Variants in SPP2 observed in about 807,000 individuals in gnomAD.
SPP2 encodes the protein secreted phosphoprotein 24.
In SPP2, 34 loss-of-function variants were observed where a neutral mutation model predicts 28.8. That is an observed-to-expected ratio of 1.18 (90% CI 0.90 to 1.57). The LOEUF is 1.57. SPP2 is among the 40% of genes most tolerant of loss of function. SPP2 has a pLI of 0.00. For missense variants in SPP2, 269 were observed against 263.9 expected (o/e 1.02, Z -0.13); for synonymous variants, 96 against 89.4 (o/e 1.07, Z -0.42).
At position 234,051,297 on chromosome 2, in the gene SPP2, G is replaced by C. The variant is rs563320814; in HGVS notation, c.210+202G>C. ...TGAGGCTATCCAAACCACTTTTGAT[G>C]ACTGATTCTTCTGCTGTATTCTCCT... On this transcript the variant is annotated intron_variant, in intron 2 of 7. Coordinates refer to ENST00000168148, the MANE Select transcript of SPP2 (RefSeq NM_006944.3). 7.9e-5 allele frequency among the ~76,000 whole-genome samples: 12 copies of C among 152,244 alleles called. No individual in the cohort carries two copies. In the South Asian group the frequency reaches 2.5e-3, roughly 32 times the overall value.
At chr2:234,051,309 T>C (rs1188437419) in intron 2 of SPP2, among the ~76,000 whole-genome samples, 1 of 152,238 alleles carries the variant, frequency 6.6e-6, no homozygotes, top group African/African-American at 2.4e-5. Context: ...CTGATTCTTC[T>C]GCTGTATTCT....
chr2:234,055,609 T>C (rs979581617), intron 2 of SPP2, among the ~76,000 whole-genome samples: 1 of 152,104 alleles, frequency 6.6e-6, no homozygotes, highest in African/African-American at 2.4e-5. Context: ...AAAACCAAAA[T>C]GTAATCATTA....
chr2:234,067,734 G>A (rs556749174), intron 6 of SPP2, among the ~76,000 whole-genome samples: 186 of 129,598 alleles, frequency 1.4e-3, no homozygotes, highest in South Asian at 7.0e-3. Flanking sequence ...CCGAGATTGC[G>A]CCACTGCACT....
In SPP2 at chr2:234,066,552, TG is replaced by T; in HGVS notation, c.467del (p.Gly156AspfsTer19). ...CTTTAGATGATTTTTGGGGACATGTTGGGATCTCATAAATGGAGAAACAATT... is the reference window on the plus strand; with the variant it reads ...CTTTAGATGATTTTTGGGGACATGTTGGATCTCATAAATGGAGAAACAATT... ...SSEEMIFGDM[L>X]GSHKWRNNYL... On this transcript the variant is annotated frameshift_variant, in exon 5 of 8. Coordinates refer to ENST00000168148, the MANE Select transcript of SPP2 (RefSeq NM_006944.3). LOFTEE classifies it high-confidence loss of function. 1.2e-6 allele frequency: 2 copies of T among 1,612,592 alleles called. No individual in the cohort carries two copies. The highest frequency in any genetic ancestry group is 2.2e-5 in the East Asian group (1 of 44,772).
intron 7 of SPP2, among the ~76,000 whole-genome samples, chr2:234,074,540 T>C (rs543646682): frequency 6.6e-5 from 10 of 152,282 alleles, no homozygotes; most frequent in African/African-American, 2.2e-4. Flanking sequence ...GACATGGCTA[T>C]GTGCAGTTGT....
At chr2:234,060,758 CACAT>C (rs946981803) in intron 4 of SPP2, among the ~76,000 whole-genome samples, 8 of 147,288 alleles carry the variant, frequency 5.4e-5, no homozygotes, top group Admixed American at 2.0e-4. Context: ...CACACACACA[CACAT>C]GCACACACGC....
chr2:234,060,556 G>T (rs1693698883), intron 4 of SPP2, 77 bp downstream of exon 4: 4 of 1,150,826 alleles, frequency 3.5e-6, no homozygotes, highest in South Asian at 1.4e-5. Context: ...AGAGTGGTTT[G>T]CTGGGTAGCT....
intron 2 of SPP2, among the ~76,000 whole-genome samples, chr2:234,055,056 C>A (rs925663112): frequency 6.6e-6 from 1 of 152,082 alleles, no homozygotes; most frequent in Non-Finnish European, 1.5e-5. Context: ...CCTAAGTGAC[C>A]ATTGATGCCC....
chr2:234,075,851 C>G (rs1365411774), intron 7 of SPP2, among the ~76,000 whole-genome samples: 1 of 152,182 alleles, frequency 6.6e-6, no homozygotes, highest in Non-Finnish European at 1.5e-5. Context: ...TCACTCTTCC[C>G]CCTGTCTCCA....
chr2:234,053,716 G>A (rs1019434440), intron 2 of SPP2, among the ~76,000 whole-genome samples: 2 of 152,038 alleles, frequency 1.3e-5, no homozygotes, highest in Non-Finnish European at 2.9e-5. Flanking sequence ...AAATCCACAC[G>A]ACTTTAGCAC....
chr2:234,067,669 C>T (rs1438415421), intron 6 of SPP2, among the ~76,000 whole-genome samples: 5 of 149,924 alleles, frequency 3.3e-5, no homozygotes, highest in Non-Finnish European at 7.4e-5. Context: ...CCCAGCTACT[C>T]GGGAGGCTAA....
chr2:234,057,548 A>G (rs1251934423), intron 2 of SPP2, among the ~76,000 whole-genome samples: 2 of 152,152 alleles, frequency 1.3e-5, no homozygotes, highest in Non-Finnish European at 2.9e-5. Context: ...ACTATCTGGG[A>G]TGATCTTGGA....
chr2:234,071,958 T>A (rs943356898), intron 7 of SPP2, among the ~76,000 whole-genome samples: 4 of 152,212 alleles, frequency 2.6e-5, no homozygotes, highest in Admixed American at 2.6e-4. Context: ...GGCACTGCCA[T>A]TGGTTGTTTC....
chr2:234,072,451 T>C (rs2125473540), intron 7 of SPP2, among the ~76,000 whole-genome samples: 1 of 152,328 alleles, frequency 6.6e-6, no homozygotes, highest in East Asian at 1.9e-4. Context: ...GAGTTCTCAA[T>C]GGATTGGCTG....
chr2:234,067,777 C>CAAAAAA (rs56184185), intron 6 of SPP2, among the ~76,000 whole-genome samples: 3 of 63,492 alleles, frequency 4.7e-5, no homozygotes, highest in African/African-American at 2.1e-4. Context: ...GACTCCGTCT[C>CAAAAAA]AAAAAAAAAA....
At chr2:234,067,859 A>AT (rs529978987) in intron 6 of SPP2, among the ~76,000 whole-genome samples, 6,380 of 144,162 alleles carry the variant, frequency 0.044, 170 homozygotes, top group Non-Finnish European at 0.061. Flanking sequence ...AGCATTCACC[A>AT]TTTTTTTTTT....
rs1439532617 is a variant in SPP2 at position 234,060,320 on chromosome 2, C to G, written c.334-49C>G. 3.9e-6 allele frequency: 5 copies of G among 1,294,930 alleles called. No homozygotes were observed. In the Admixed American group the frequency reaches 5.1e-5, roughly 13 times the overall value. The allele number at this position is 1,294,930 out of a possible 1,614,324, so 80.2% of individuals were successfully genotyped here. On this transcript the variant is annotated intron_variant, in intron 3 of 7. Transcript: ENST00000168148. ...CCTGATTTACTCAATGGAGGCTATC[C>G]CTTTCCACAAACAGCTGAAGAGAGA...
In SPP2 at chr2:234,060,609, A is replaced by T; in HGVS notation, c.444+130A>T. 11 of 687,294 alleles carry T rather than the reference A, an allele frequency of 1.6e-5. No homozygotes were observed. In the South Asian group the frequency reaches 1.8e-4, roughly 11 times the overall value. 42.6% of individuals were successfully genotyped at this position (687,294 alleles called of 1,614,324 possible). ...TGGGGATGCCGAACTCTGCTGACAC[A>T]GTGGGATTCTCTCTTGGACACCTAC... On this transcript the variant is annotated intron_variant, in intron 4 of 7. Coordinates refer to ENST00000168148, the MANE Select transcript of SPP2 (RefSeq NM_006944.3).
intron 2 of SPP2, among the ~76,000 whole-genome samples, chr2:234,056,854 T>A (rs1013636139): frequency 2.0e-5 from 3 of 152,104 alleles, no homozygotes; most frequent in African/African-American, 7.2e-5. Context: ...TTATGTGTCC[T>A]ATGTTAGGAG....
Sources: gnomAD v4.1 joint callset for allele counts (sites outside exome capture counted in the v4.1 genomes callset) on GRCh38, gnomAD v4.1.1 for gene constraint, MANE v1.5 for transcripts, NCBI Gene and HGNC (gene_info 2026-07-23, HGNC 2026-07-21) for gene names.